The following EPHA6 variants were observed in gnomAD, a reference collection of about 807,000 sequenced individuals.
The protein encoded by EPHA6 is EPH receptor A6, also known as ephrin type-A receptor 6.
Under a neutral mutation model 112.0 loss-of-function variants are expected in EPHA6, and 50 were observed. The observed-to-expected ratio is 0.45, with a 90% CI of 0.36 to 0.56. The LOEUF (loss-of-function observed/expected upper bound fraction) is 0.56, where lower values mean the gene tolerates loss of function less well. Ranked by LOEUF, EPHA6 falls within the 20% of genes least tolerant of loss-of-function variation. The pLI is 0.00. For missense variants in EPHA6, 1,280 were observed against 1,417.4 expected (o/e 0.90, Z 1.56); for synonymous variants, 529 against 490.7 (o/e 1.08, Z -1.03).
At chr3:97,450,220 T>C (rs1051885555) in intron 7 of EPHA6, among the ~76,000 whole-genome samples, 6 of 152,042 alleles carry the variant, frequency 3.9e-5, no homozygotes, top group African/African-American at 1.4e-4. Flanking sequence ...GTCCCTGTTA[T>C]GTCTTTTTCA....
rs116414310 is a variant in EPHA6 at position 97,104,215 on chromosome 3, G to A, written c.1114+116222G>A. On this transcript the variant is annotated intron_variant, in intron 3 of 17. Coordinates refer to ENST00000389672, the MANE Select transcript of EPHA6 (RefSeq NM_001080448.3). Reference sequence around the variant, plus strand: ...AGGAGTGGTGAGAGAGGACATCCCTGTCTTACGCCCTTTTCAAATATAATG... The same window carrying A: ...AGGAGTGGTGAGAGAGGACATCCCTATCTTACGCCCTTTTCAAATATAATG... 7.0e-3 allele frequency among the ~76,000 whole-genome samples: 1,058 copies of A among 152,178 alleles called. 16 individuals are homozygous for A. The highest frequency in any genetic ancestry group is 0.024 in the African/African-American group (1,017 of 41,530).
intron 5 of EPHA6, among the ~76,000 whole-genome samples, chr3:97,389,852 G>GA (rs1272759002): frequency 6.6e-6 from 1 of 152,018 alleles, no homozygotes; most frequent in Non-Finnish European, 1.5e-5. Context: ...AAAATCAGGG[G>GA]AAAAAAATGA....
In EPHA6 at chr3:97,267,307, G is replaced by A. The variant is rs550705191; in HGVS notation, c.1606+23020G>A. Among the ~76,000 whole-genome samples the A allele has an allele frequency of 2.0e-3, 308 of 151,546 alleles. 2 individuals are homozygous for A. Among genetic ancestry groups the A allele is most frequent in the African/African-American group, 6.8e-3 (280 of 41,314 alleles). ...TGCTTTTTATGAACACAGATGCATC[G>A]GTCCTTTGTAGTCTGAGATACTTTC... On this transcript the variant is annotated intron_variant, in intron 5 of 17. Transcript: ENST00000389672.
chr3:96,894,201 C>G (rs1295183875), intron 2 of EPHA6, among the ~76,000 whole-genome samples: 1 of 152,104 alleles, frequency 6.6e-6, no homozygotes, highest in Non-Finnish European at 1.5e-5. Flanking sequence ...GAACACACTG[C>G]CAATGTGTTA....
At chr3:97,213,733 G>C (rs539866838) in intron 3 of EPHA6, among the ~76,000 whole-genome samples, 2 of 152,240 alleles carry the variant, frequency 1.3e-5, no homozygotes, top group African/African-American at 4.8e-5. Flanking sequence ...TTGCTGCTTT[G>C]TGTATTCTTC....
intron 3 of EPHA6, among the ~76,000 whole-genome samples, chr3:97,055,693 C>G (rs1452113780): frequency 6.6e-6 from 1 of 152,044 alleles, no homozygotes; most frequent in African/African-American, 2.4e-5. Flanking sequence ...TTTCTAATAG[C>G]AAATCATGTA....
chr3:97,748,546 T>G (rs1169565704), intron 17 of EPHA6, 41 bp from the exon 18 acceptor site: 1 of 957,550 alleles, frequency 1.0e-6, no homozygotes. Context: ...TCTTTCTTGC[T>G]CTCACTCTCG....
intron 15 of EPHA6, among the ~76,000 whole-genome samples, chr3:97,721,717 A>G (rs1355478633): frequency 6.6e-6 from 1 of 152,182 alleles, no homozygotes; most frequent in Non-Finnish European, 1.5e-5. Context: ...CCATTTGCCT[A>G]CAGTCTGCTA....
rs532336507 is a variant in EPHA6, at chr3:97,508,603, C to T, written c.2201-23755C>T. ...TATGTGGTCAATTTTAGAGTAAGTG[C>T]GATGTGGTGCTGAGAAGAATGTATA... is the stretch of plus-strand genomic sequence containing the variant. On this transcript the variant is annotated intron_variant, in intron 10 of 17. Transcript: ENST00000389672. Among the ~76,000 whole-genome samples, 21 of 152,046 alleles carry T rather than the reference C, an allele frequency of 1.4e-4. No homozygotes were observed. In the South Asian group the frequency reaches 1.9e-3, roughly 14 times the overall value.
At chr3:97,534,459 CCT>C (rs1043861840) in intron 11 of EPHA6, among the ~76,000 whole-genome samples, 18 of 149,588 alleles carry the variant, frequency 1.2e-4, no homozygotes, top group African/African-American at 4.0e-4. Context: ...CCCACCCCCC[CCT>C]TTTTTTTTTT....
chr3:97,610,869 T>C lies in EPHA6; in HGVS notation c.2574+15T>C. The C allele has an allele frequency of 6.3e-7, 1 of 1,587,362 alleles. No individual in the cohort carries two copies. The highest frequency in any genetic ancestry group is 1.1e-5 in the South Asian group (1 of 89,934). Reference sequence around the variant, plus strand: ...CCTTTTTGCGGGTGAGGTGTTCTTTTCTGATGGCATTTAAATAAGCTATTC... The same window carrying C: ...CCTTTTTGCGGGTGAGGTGTTCTTTCCTGATGGCATTTAAATAAGCTATTC... On this transcript the variant is annotated intron_variant, in intron 13 of 17. Transcript: ENST00000389672.
intron 3 of EPHA6, among the ~76,000 whole-genome samples, chr3:97,080,616 T>A (rs1273630197): frequency 6.6e-6 from 1 of 151,998 alleles, no homozygotes; most frequent in Non-Finnish European, 1.5e-5. Context: ...CAAATTAAAC[T>A]ACAAAAAAAG....
At chr3:97,603,131 A>G (rs1468239941) in intron 12 of EPHA6, among the ~76,000 whole-genome samples, 1 of 152,052 alleles carries the variant, frequency 6.6e-6, no homozygotes, top group Non-Finnish European at 1.5e-5. Context: ...TATGGTTAGT[A>G]TCTTATAGTA....
intron 11 of EPHA6, among the ~76,000 whole-genome samples, chr3:97,566,550 G>A (rs968371239): frequency 1.3e-5 from 2 of 152,194 alleles, no homozygotes; most frequent in South Asian, 2.1e-4. Context: ...TCAACTTTAT[G>A]TATTTATTAT....
At chr3:97,599,796 C>A (rs971221662) in intron 12 of EPHA6, among the ~76,000 whole-genome samples, 4 of 152,080 alleles carry the variant, frequency 2.6e-5, no homozygotes, top group East Asian at 1.9e-4. Context: ...TTTTCCAATT[C>A]TGTGAAGAAA....
intron 3 of EPHA6, among the ~76,000 whole-genome samples, chr3:97,074,500 A>AT (rs1007262387): frequency 6.6e-6 from 1 of 151,778 alleles, no homozygotes; most frequent in Non-Finnish European, 1.5e-5. Context: ...CAATGTTTTA[A>AT]TTTTTTTAAG....
chr3:97,187,004 C>G (rs1442667588), intron 3 of EPHA6, among the ~76,000 whole-genome samples: 1 of 152,076 alleles, frequency 6.6e-6, no homozygotes, highest in African/African-American at 2.4e-5. Flanking sequence ...ATTGTTATAG[C>G]AACACCATAC....
chr3:97,406,196 G>A (rs1464111344), intron 6 of EPHA6, among the ~76,000 whole-genome samples: 2 of 152,138 alleles, frequency 1.3e-5, no homozygotes, highest in African/African-American at 4.8e-5. Flanking sequence ...GGCAAGAGGA[G>A]AAATAGAACT....
chr3:97,213,869 G>A (rs953477385), intron 3 of EPHA6, among the ~76,000 whole-genome samples: 8 of 152,036 alleles, frequency 5.3e-5, no homozygotes, highest in East Asian at 3.9e-4. Context: ...ATTTATGTAG[G>A]TCTAATGGTT....
Sources: gnomAD v4.1 joint callset for allele counts (sites outside exome capture counted in the v4.1 genomes callset) on GRCh38, gnomAD v4.1.1 for gene constraint, MANE v1.5 for transcripts, NCBI Gene and HGNC (gene_info 2026-07-23, HGNC 2026-07-21) for gene names.